The following NRXN1 variants were observed in gnomAD, a reference collection of about 807,000 sequenced individuals.
NRXN1 encodes neurexin 1.
Under a neutral mutation model 150.9 loss-of-function variants are expected in NRXN1, and 39 were observed. The observed-to-expected ratio is 0.26, with a 90% confidence interval of 0.20 to 0.34. The LOEUF (loss-of-function observed/expected upper bound fraction) is 0.34. NRXN1 is among the 10% of genes least tolerant of loss of function. The pLI, the probability that NRXN1 is intolerant of heterozygous loss-of-function variation, is 1.00. For missense variants in NRXN1, 1,815 were observed against 1,949.9 expected (o/e 0.93, Z 1.30); for synonymous variants, 924 against 757.0 (o/e 1.22, Z -3.62).
At chr2:50,798,109 C>A (rs1707100599) in intron 5 of NRXN1, among the ~76,000 whole-genome samples, 2 of 152,030 alleles carry the variant, frequency 1.3e-5, no homozygotes, top group African/African-American at 4.8e-5. Flanking sequence ...GAATAATCAT[C>A]CAATAAACTG....
At chr2:50,473,356 C>A (rs1243775629) in intron 15 of NRXN1, among the ~76,000 whole-genome samples, 4 of 149,104 alleles carry the variant, frequency 2.7e-5, no homozygotes, top group African/African-American at 1.0e-4. Context: ...TGGACTATTA[C>A]TTAAAAAAAA....
chr2:50,374,336 A>AATAC, intron 17 of NRXN1, among the ~76,000 whole-genome samples: 1 of 151,014 alleles, frequency 6.6e-6, no homozygotes, highest in African/African-American at 2.4e-5. Flanking sequence ...TAAATAAATA[A>AATAC]ATAAAATTGG....
At chr2:49,933,178 C>T (rs1185692569) in intron 22 of NRXN1, among the ~76,000 whole-genome samples, 2 of 152,066 alleles carry the variant, frequency 1.3e-5, no homozygotes, top group Non-Finnish European at 2.9e-5. Context: ...GCTCTGCCTC[C>T]CAGATTCACG....
chr2:50,449,001 G>A (rs1284632215), intron 17 of NRXN1, among the ~76,000 whole-genome samples: 2 of 152,020 alleles, frequency 1.3e-5, no homozygotes, highest in Non-Finnish European at 2.9e-5. Flanking sequence ...ATTATTACTG[G>A]CCCAGAACGA....
intron 18 of NRXN1, among the ~76,000 whole-genome samples, chr2:50,143,458 A>T (rs1464909221): frequency 1.3e-5 from 2 of 151,960 alleles, no homozygotes; most frequent in Non-Finnish European, 2.9e-5. Context: ...ACACTAATTT[A>T]TTATGCGCTG....
intron 17 of NRXN1, among the ~76,000 whole-genome samples, chr2:50,450,781 G>C (rs984278807): frequency 2.6e-5 from 4 of 152,192 alleles, no homozygotes; most frequent in African/African-American, 9.6e-5. Flanking sequence ...GTATCAGCCA[G>C]AGAGACAGAA....
chr2:50,527,827 C>G (rs2092997158), intron 12 of NRXN1, among the ~76,000 whole-genome samples: 1 of 152,084 alleles, frequency 6.6e-6, no homozygotes, highest in African/African-American at 2.4e-5. Context: ...TTTGTTAGAA[C>G]CATTTTATTT....
At chr2:50,385,061 T>C (rs1395758283) in intron 17 of NRXN1, among the ~76,000 whole-genome samples, 3 of 152,208 alleles carry the variant, frequency 2.0e-5, no homozygotes, top group Non-Finnish European at 2.9e-5. Context: ...TTCTAACATG[T>C]TGAAATGTAA....
intron 22 of NRXN1, among the ~76,000 whole-genome samples, chr2:49,942,614 T>TATTATTATTTTA (rs112672714): frequency 6.7e-6 from 1 of 148,928 alleles, no homozygotes; most frequent in East Asian, 2.0e-4. Context: ...TTATTATTAT[T>TATTATTATTTTA]TTATTATTAT....
Position 51,030,471 on chromosome 2 carries a change from C to G in NRXN1, c.-921-1277G>C, listed in dbSNP as rs184800876. ...CCCACAGGTGTCAGCTGAGAGCCAC[C>G]AAGCTAGGGTATCCCACTTCAAGTT... On this transcript the variant is annotated intron_variant, in intron 1 of 22. Coordinates refer to ENST00000401669, the MANE Select transcript of NRXN1 (RefSeq NM_001330078.2). 8.1e-3 allele frequency among the ~76,000 whole-genome samples: 1,224 copies of G among 151,640 alleles called. 3 individuals are homozygous for G. The highest frequency in any genetic ancestry group is 0.012 in the Non-Finnish European group (817 of 67,954).
At chr2:50,976,473 C>G (rs1235108978) in intron 2 of NRXN1, among the ~76,000 whole-genome samples, 1 of 151,946 alleles carries the variant, frequency 6.6e-6, no homozygotes, top group Non-Finnish European at 1.5e-5. Flanking sequence ...ATCCTTCCCC[C>G]ACCCTAAATG....
intron 2 of NRXN1, among the ~76,000 whole-genome samples, chr2:50,936,717 T>C (rs1378472138): frequency 1.3e-5 from 2 of 152,120 alleles, no homozygotes; most frequent in African/African-American, 4.8e-5. Context: ...TTTTTTTAAT[T>C]AATATGGCTC....
intron 5 of NRXN1, among the ~76,000 whole-genome samples, chr2:50,809,765 T>C (rs1667968016): frequency 6.6e-6 from 1 of 152,176 alleles, no homozygotes; most frequent in African/African-American, 2.4e-5. Context: ...GTCACTGACA[T>C]GTTTAATATT....
chr2:49,932,145 G>A (rs1216659669), intron 22 of NRXN1, among the ~76,000 whole-genome samples: 1 of 152,178 alleles, frequency 6.6e-6, no homozygotes, highest in Non-Finnish European at 1.5e-5. Context: ...GCTGGGCATG[G>A]TAATTCATGC....
intron 2 of NRXN1, among the ~76,000 whole-genome samples, chr2:50,991,227 T>A (rs1388166911): frequency 6.6e-6 from 1 of 152,026 alleles, no homozygotes; most frequent in Non-Finnish European, 1.5e-5. Flanking sequence ...ACACATCTAA[T>A]GAATATTATA....
At chr2:50,077,027 C>T (rs1403517417) in intron 19 of NRXN1, among the ~76,000 whole-genome samples, 1 of 152,100 alleles carries the variant, frequency 6.6e-6, no homozygotes, top group Admixed American at 6.6e-5. Flanking sequence ...GGCTTTAGAA[C>T]CTATGGTGTT....
chr2:49,981,717 G>A (rs1268817109), intron 21 of NRXN1, among the ~76,000 whole-genome samples: 2 of 152,040 alleles, frequency 1.3e-5, no homozygotes, highest in African/African-American at 4.8e-5. Context: ...TGAAATCTGA[G>A]TTAGAAACAA....
At chr2:50,887,450 A>G (rs563582564) in intron 5 of NRXN1, among the ~76,000 whole-genome samples, 1 of 151,598 alleles carries the variant, frequency 6.6e-6, no homozygotes, top group East Asian at 1.9e-4. Flanking sequence ...CCTGCTCTAA[A>G]AAGATGAAAA....
intron 17 of NRXN1, among the ~76,000 whole-genome samples, chr2:50,395,565 A>G (rs2082001796): frequency 6.6e-6 from 1 of 152,098 alleles, no homozygotes; most frequent in Admixed American, 6.6e-5. Flanking sequence ...CATCCACTTC[A>G]ATTGAATACG....
Sources: allele counts gnomAD v4.1 joint callset (sites outside exome capture counted in the v4.1 genomes callset), GRCh38; gene constraint gnomAD v4.1.1; transcripts MANE v1.5; gene names NCBI Gene and HGNC (gene_info 2026-07-23, HGNC 2026-07-21).